FSIP2: variants seen among roughly 807,000 people sequenced by gnomAD.
The protein encoded by FSIP2 is fibrous sheath-interacting protein 2.
FSIP2 carries 367 observed loss-of-function variants against 510.5 expected under a neutral mutation model. The ratio of observed to expected loss-of-function variants is 0.72; its 90% CI spans 0.66 to 0.78. FSIP2 has a LOEUF of 0.78. Ranked by LOEUF, FSIP2 falls within the 30% of genes least tolerant of loss-of-function variation. The pLI, the probability that FSIP2 is intolerant of heterozygous loss-of-function variation, is 0.00. For synonymous variants in FSIP2, 2,601 were observed against 2,732.2 expected, an observed-to-expected ratio of 0.95 and a Z score of 1.50; for missense variants, 7,594 against 7,901.7, an observed-to-expected ratio of 0.96 and a Z score of 1.48.
At chr2:185,745,105 C>A (rs767885684) in intron 4 of FSIP2, 8 of 164,948 alleles carry the variant, frequency 4.9e-5, no homozygotes, top group Non-Finnish European at 9.1e-5. Flanking sequence ...GGGTTAAATA[C>A]AAACAAGAAA....
chr2:185,754,690 A>G (rs1176733801), intron 8 of FSIP2, among the ~76,000 whole-genome samples: 2 of 151,530 alleles, frequency 1.3e-5, no homozygotes, highest in African/African-American at 4.8e-5. Context: ...TCTAGAGTTC[A>G]GTCTTCACCT....
At chr2:185,782,670 T>A in intron 13 of FSIP2, 35 bp from the exon 14 acceptor site, 1 of 1,316,070 alleles carries the variant, frequency 7.6e-7, no homozygotes, top group Non-Finnish European at 1.1e-6. Flanking sequence ...TGAGGATGGA[T>A]ACAAACTATG....
rs551329059 is a variant in FSIP2 at position 185,804,286 on chromosome 2, C to G, written c.14980C>G (p.Leu4994Val). Residue 4994 changes from leucine to valine, a missense_variant, in exon 17 of 23, where the codon CTG (leucine) becomes GTG (valine). Transcript: ENST00000424728. Reference sequence around the variant, plus strand: ...TACAACATTGGTAAATTCAATTGTTCTGGAGTTCACCACATCAGAGATTTT... The same window carrying G: ...TACAACATTGGTAAATTCAATTGTTGTGGAGTTCACCACATCAGAGATTTT... ...IVTTLVNSIV[L>V]EFTTSEILVA... The G allele has an allele frequency of 2.4e-5, 36 of 1,526,770 alleles. No homozygotes were observed. The Admixed American group carries it at 4.6e-4, about 20-fold the overall frequency. 94.6% of individuals were successfully genotyped at this position (1,526,770 alleles called of 1,614,324 possible).
At position 185,756,255 on chromosome 2, in the gene FSIP2, A is replaced by G. The variant is rs1266332081; in HGVS notation, c.1055A>G (p.Gln352Arg). The G allele has an allele frequency of 3.8e-6, 5 of 1,312,310 alleles. No homozygotes were observed. The highest frequency in any genetic ancestry group is 3.1e-6 in the Non-Finnish European group (3 of 966,166). The allele number at this position is 1,312,310 out of a possible 1,614,324, so 81.3% of individuals were successfully genotyped here. ...ATGTTAGTTTATCCTGCTGGAGACC[A>G]GAATACATATAAAGAAACACATGGT... ...DIMLVYPAGD[Q>R]NTYKETHGHT... The change falls in exon 9 of 23, where the codon CAG (glutamine) becomes CGG (arginine). Residue 352 changes from glutamine to arginine, a missense_variant. Transcript: ENST00000424728.
At chr2:185,758,432 C>T (rs1692287814) in intron 9 of FSIP2, among the ~76,000 whole-genome samples, 2 of 151,118 alleles carry the variant, frequency 1.3e-5, no homozygotes, top group East Asian at 3.9e-4. Flanking sequence ...TGTCGAGTAA[C>T]ACATATTATG....
In FSIP2 at chr2:185,790,990, C is replaced by T. The variant is rs1465613091; in HGVS notation, c.3854C>T (p.Ser1285Phe). Residue 1285 changes from serine to phenylalanine, a missense_variant, in exon 16 of 23, where the codon TCT becomes TTT. Transcript: ENST00000424728. The stretch of plus-strand genomic sequence containing the variant: ...CCAAAATTGCATATGGGCTTCAAAT[C>T]TTCATTACGATCTCAACTTAGTAAG... ...ICPKLHMGFK[S>F]SLRSQLSKYT... is the part of the protein sequence containing the mutation. 2 of 1,528,240 alleles carry T rather than the reference C, an allele frequency of 1.3e-6. No individual in the cohort carries two copies. Among genetic ancestry groups the T allele is most frequent in the Non-Finnish European group, 8.7e-7 (1 of 1,142,952 alleles). The allele number at this position is 1,528,240 out of a possible 1,614,324, so 94.7% of individuals were successfully genotyped here.
chr2:185,738,804 A>G lies in FSIP2; in HGVS notation c.-91A>G, dbSNP rs1003180245. On this transcript the variant is annotated 5_prime_UTR_variant, in exon 1 of 23. Coordinates refer to ENST00000424728, the MANE Select transcript of FSIP2 (RefSeq NM_173651.4). ...GGGCTGAGGTCGTTGGGCTCTGGCC[A>G]TTCCTGGTCAGGTCCGGACAGAGGG... 7.2e-6 allele frequency: 11 copies of G among 1,535,920 alleles called. No individual in the cohort carries two copies. Among genetic ancestry groups the G allele is most frequent in the South Asian group, 1.2e-5 (1 of 84,062 alleles).
chr2:185,780,364 T>TTAA (rs2105592044), intron 13 of FSIP2, among the ~76,000 whole-genome samples: 1 of 152,106 alleles, frequency 6.6e-6, no homozygotes, highest in African/African-American at 2.4e-5. Flanking sequence ...ATTCCTGTTG[T>TTAA]TAATTTCTTC....
Position 185,803,868 on chromosome 2 carries a change from G to C in FSIP2, c.14562G>C (p.Met4854Ile). 1 of 1,522,556 alleles carries C rather than the reference G, an allele frequency of 6.6e-7. No homozygotes were observed. The highest frequency in any genetic ancestry group is 8.8e-7 in the Non-Finnish European group (1 of 1,138,524). The allele number at this position is 1,522,556 out of a possible 1,614,324, so 94.3% of individuals were successfully genotyped here. A position where few individuals can be genotyped will look rare whatever the true frequency, so the allele number is the denominator to read the frequency against. Residue 4854 changes from methionine (M) to isoleucine (I), a missense_variant, in exon 17 of 23, where the codon ATG becomes ATC. Met to Ile is a conservative substitution (Grantham distance 10). Transcript: ENST00000424728. ...AATATGGGAATAAAAAACAGAGTAT[G>C]ATTTCAGCAAAAGATATCCAGTCTA... is the stretch of plus-strand genomic sequence containing the variant. ...IIKYGNKKQS[M>I]ISAKDIQSMV...
chr2:185,745,264 A>C (rs969554128), intron 4 of FSIP2, among the ~76,000 whole-genome samples, 165 bp from the exon 5 acceptor site: 1 of 152,134 alleles, frequency 6.6e-6, no homozygotes, highest in African/African-American at 2.4e-5. Context: ...TTCAGAGATA[A>C]ATCTTAATTT....
At chr2:185,754,961 GTTAAA>G (rs1487948231) in intron 8 of FSIP2, among the ~76,000 whole-genome samples, 2 of 151,622 alleles carry the variant, frequency 1.3e-5, no homozygotes, top group Admixed American at 6.6e-5. Context: ...TTGTTGTTTA[GTTAAA>G]TTAGACTACT....
chr2:185,750,211 A>C (rs999998849), intron 7 of FSIP2, among the ~76,000 whole-genome samples: 2 of 151,672 alleles, frequency 1.3e-5, no homozygotes, highest in African/African-American at 4.8e-5. Flanking sequence ...ATTTTTGAAA[A>C]AATTATTTTA....
chr2:185,758,461 T>TA (rs1434270064), intron 9 of FSIP2, among the ~76,000 whole-genome samples: 1 of 151,390 alleles, frequency 6.6e-6, no homozygotes, highest in Admixed American at 6.6e-5. Flanking sequence ...ATGTATTATA[T>TA]ACTATAATCT....
chr2:185,779,450 G>T (rs561444694), intron 13 of FSIP2, among the ~76,000 whole-genome samples: 28 of 152,074 alleles, frequency 1.8e-4, no homozygotes, highest in Non-Finnish European at 3.2e-4. Context: ...ACAATGTATA[G>T]TGATAAGTCT....
At chr2:185,767,159 G>A (rs1168886327) in intron 13 of FSIP2, among the ~76,000 whole-genome samples, 1 of 146,658 alleles carries the variant, frequency 6.8e-6, no homozygotes, top group Non-Finnish European at 1.5e-5. Context: ...CACACTCTGG[G>A]GACTGTTGTG....
At chr2:185,814,843 C>A (rs1693801304) in intron 18 of FSIP2, among the ~76,000 whole-genome samples, 1 of 152,016 alleles carries the variant, frequency 6.6e-6, no homozygotes, top group African/African-American at 2.4e-5. Flanking sequence ...TTTTAATTTT[C>A]TGATGAGGCC....
intron 16 of FSIP2, 119 bp downstream of exon 16, chr2:185,797,645 T>G (rs1021828916): frequency 3.0e-6 from 3 of 1,005,820 alleles, no homozygotes; most frequent in African/African-American, 1.6e-5. Context: ...GAAAATACCC[T>G]TGGAGGTAGA....
intron 12 of FSIP2, 150 bp from the exon 13 acceptor site, chr2:185,764,352 T>TAAA: frequency 1.9e-6 from 1 of 528,112 alleles, no homozygotes; most frequent in East Asian, 3.0e-5. Flanking sequence ...ATAAACATAA[T>TAAA]AAAAACGTGC....
intron 7 of FSIP2, among the ~76,000 whole-genome samples, chr2:185,752,998 G>A (rs1393060417): frequency 6.6e-6 from 1 of 151,290 alleles, no homozygotes; most frequent in Non-Finnish European, 1.5e-5. Flanking sequence ...CTGGTGGGGT[G>A]AGAGCCATAT....
Sources: gnomAD v4.1 joint callset for allele counts (sites outside exome capture counted in the v4.1 genomes callset) on GRCh38, gnomAD v4.1.1 for gene constraint, MANE v1.5 for transcripts, NCBI Gene and HGNC (gene_info 2026-07-23, HGNC 2026-07-21) for gene names.